SLC17A8: variants seen among roughly 807,000 people sequenced by gnomAD.
SLC17A8 encodes the protein vesicular glutamate transporter 3.
A neutral mutation model predicts 58.0 loss-of-function variants in SLC17A8; 31 were observed. The observed-to-expected ratio is 0.53, with a 90% CI of 0.40 to 0.72. The LOEUF (loss-of-function observed/expected upper bound fraction) is 0.72. Among genes scored for constraint, SLC17A8 ranks in the 30% least tolerant of loss-of-function variants. The pLI is 0.00. For missense variants in SLC17A8, 655 were observed against 727.8 expected (o/e 0.90, Z 1.15); for synonymous variants, 228 against 249.0 (o/e 0.92, Z 0.79).
intron 2 of SLC17A8, among the ~76,000 whole-genome samples, chr12:100,381,160 A>G (rs556771304): frequency 9.2e-5 from 14 of 151,920 alleles, no homozygotes; most frequent in Non-Finnish European, 1.2e-4. Context: ...TCAGCATCTC[A>G]GCATCTCAGA....
chr12:100,396,455 A>G (rs1952754825), intron 5 of SLC17A8, 38 bp downstream of exon 5: 2 of 1,576,708 alleles, frequency 1.3e-6, no homozygotes, highest in African/African-American at 2.7e-5. Flanking sequence ...TTATTTATGA[A>G]TGCTTTTTTT....
chr12:100,380,684 T>A lies in SLC17A8; in HGVS notation c.102-17T>A, dbSNP rs1952628739. ...AATCCTGGCTTTTATTTTCTGCCTA[T>A]CCTTTTTCCCATGTAGAAAAATCGA... On this transcript the variant is annotated splice_polypyrimidine_tract_variant and intron_variant, in intron 1 of 11. Transcript: ENST00000323346. 1 of 1,613,936 alleles carries A rather than the reference T, an allele frequency of 6.2e-7. No homozygotes were observed. Among genetic ancestry groups the A allele is most frequent in the Non-Finnish European group, 8.5e-7 (1 of 1,180,012 alleles).
intron 1 of SLC17A8, among the ~76,000 whole-genome samples, chr12:100,361,570 G>C: frequency 6.6e-6 from 1 of 152,246 alleles, no homozygotes; most frequent in Middle Eastern, 3.4e-3. Flanking sequence ...TCTTAGGTAG[G>C]TTCCCTAAAA....
intron 1 of SLC17A8, among the ~76,000 whole-genome samples, chr12:100,373,174 A>G (rs1171729413): frequency 1.3e-5 from 2 of 152,166 alleles, no homozygotes; most frequent in Non-Finnish European, 2.9e-5. Context: ...AGAAACAACA[A>G]TGAGAATGTC....
rs932031149 is a variant in SLC17A8, at chr12:100,420,470, T to C, written c.*311T>C. The C allele has an allele frequency of 2.7e-5, 8 of 293,004 alleles. No individual in the cohort carries two copies. The highest frequency in any genetic ancestry group is 1.1e-4 in the African/African-American group (5 of 46,634). 18.2% of individuals were successfully genotyped at this position (293,004 alleles called of 1,614,324 possible). ...CAATACCATGTTGTTCAAAGAAACA[T>C]TGAAGGAAATTGGGATGTTTGGCCA... On this transcript the variant is annotated 3_prime_UTR_variant, in exon 12 of 12. Transcript: ENST00000323346.
At chr12:100,365,643 C>A (rs1392989564) in intron 1 of SLC17A8, among the ~76,000 whole-genome samples, 1 of 152,186 alleles carries the variant, frequency 6.6e-6, no homozygotes, top group Non-Finnish European at 1.5e-5. Flanking sequence ...ATAACTTTTC[C>A]TTCACTTTGA....
intron 3 of SLC17A8, among the ~76,000 whole-genome samples, chr12:100,391,448 G>T (rs11837528): frequency 7.2e-6 from 1 of 138,608 alleles, no homozygotes; most frequent in Non-Finnish European, 1.5e-5. Context: ...GGGATTAAAA[G>T]TGTGCACCAC....
intron 5 of SLC17A8, 52 bp from the exon 6 acceptor site, chr12:100,401,724 GA>G: frequency 7.1e-7 from 1 of 1,400,982 alleles, no homozygotes; most frequent in Non-Finnish European, 1.0e-6. Flanking sequence ...TAAATGAGCT[GA>G]AAAGGCTTGC....
rs538115804 is a variant in SLC17A8 at position 100,416,258 on chromosome 12, C to A, written c.1298-1771C>A. On this transcript the variant is annotated intron_variant, in intron 10 of 11. Transcript: ENST00000323346. ...TTATCTTTAGCTGAATGCAGATGCC[C>A]AGGCTTTGTATCAGAGCATAATACT... Among the ~76,000 whole-genome samples the A allele has an allele frequency of 2.3e-3, 343 of 152,226 alleles. 2 individuals are homozygous for A. Among genetic ancestry groups the A allele is most frequent in the African/African-American group, 7.8e-3 (322 of 41,520 alleles).
chr12:100,420,200 A>G lies in SLC17A8; in HGVS notation c.*41A>G, dbSNP rs1189220409. 1.3e-5 allele frequency: 19 copies of G among 1,511,482 alleles called. No individual in the cohort carries two copies. The highest frequency in any genetic ancestry group is 1.6e-5 in the Non-Finnish European group (18 of 1,103,616). The allele number at this position is 1,511,482 out of a possible 1,614,324, so 93.6% of individuals were successfully genotyped here. Reference sequence around the variant, plus strand: ...TCTGTCTTCTCCTTACTTTAGAAACAGAAAGTATCCATACCTATTGCCTTT... The same window carrying G: ...TCTGTCTTCTCCTTACTTTAGAAACGGAAAGTATCCATACCTATTGCCTTT... On this transcript the variant is annotated 3_prime_UTR_variant, in exon 12 of 12. Coordinates refer to ENST00000323346, the MANE Select transcript of SLC17A8 (RefSeq NM_139319.3).
chr12:100,359,174 G>A (rs1952467659), intron 1 of SLC17A8, among the ~76,000 whole-genome samples: 1 of 151,978 alleles, frequency 6.6e-6, no homozygotes, highest in Non-Finnish European at 1.5e-5. Context: ...AACCTATGAC[G>A]TTGGGCCATA....
At chr12:100,389,962 A>G (rs913789859) in intron 2 of SLC17A8, among the ~76,000 whole-genome samples, 1 of 152,022 alleles carries the variant, frequency 6.6e-6, no homozygotes, top group Non-Finnish European at 1.5e-5. Context: ...CTGGGATTAC[A>G]GGCGTCTGCC....
intron 10 of SLC17A8, 27 bp downstream of exon 10, chr12:100,412,907 C>A (rs868193777): frequency 6.5e-7 from 1 of 1,534,828 alleles, no homozygotes; most frequent in Non-Finnish European, 9.0e-7. Flanking sequence ...GTTTCCAGAT[C>A]TTGACTATAG....
intron 1 of SLC17A8, among the ~76,000 whole-genome samples, chr12:100,370,782 C>T (rs1952554063): frequency 6.6e-6 from 1 of 152,096 alleles, no homozygotes; most frequent in Non-Finnish European, 1.5e-5. Flanking sequence ...CTAATGATCC[C>T]TGCTGAGGTA....
chr12:100,378,274 G>A (rs1214548644), intron 1 of SLC17A8, among the ~76,000 whole-genome samples: 1 of 152,158 alleles, frequency 6.6e-6, no homozygotes, highest in Non-Finnish European at 1.5e-5. Flanking sequence ...GGCCAAGAAA[G>A]AGAAAGTGGT....
At chr12:100,396,578 G>A (rs1169686842) in intron 5 of SLC17A8, among the ~76,000 whole-genome samples, 161 bp downstream of exon 5, 3 of 149,092 alleles carry the variant, frequency 2.0e-5, no homozygotes, top group Admixed American at 6.7e-5. Context: ...GTGACACTTC[G>A]TCTTTAAAAA....
At chr12:100,366,050 CTT>C (rs67071341) in intron 1 of SLC17A8, among the ~76,000 whole-genome samples, 1,559 of 90,872 alleles carry the variant, frequency 0.017, 15 homozygotes, top group African/African-American at 0.054. Flanking sequence ...GTGATCCCTT[CTT>C]TTTTTTTTTT....
At chr12:100,401,523 C>A (rs1003779670) in intron 5 of SLC17A8, among the ~76,000 whole-genome samples, 1 of 151,870 alleles carries the variant, frequency 6.6e-6, no homozygotes, top group Non-Finnish European at 1.5e-5. Context: ...TCATGTAATT[C>A]CAAACTGTGA....
chr12:100,381,568 C>CGAG (rs1952637924), intron 2 of SLC17A8, among the ~76,000 whole-genome samples: 1 of 148,916 alleles, frequency 6.7e-6, no homozygotes, highest in Non-Finnish European at 1.5e-5. Flanking sequence ...AAGAAAGAGA[C>CGAG]AGAGAGAGAG....
Sources: allele counts gnomAD v4.1 joint callset (sites outside exome capture counted in the v4.1 genomes callset), GRCh38; gene constraint gnomAD v4.1.1; transcripts MANE v1.5; gene names NCBI Gene and HGNC (gene_info 2026-07-23, HGNC 2026-07-21).